Variants in WNT9B observed in about 807,000 individuals in gnomAD.
WNT9B encodes the protein Wnt family member 9B, also known as protein Wnt-9b.
WNT9B carries 12 observed loss-of-function variants against 30.2 expected under a neutral mutation model. The observed-to-expected ratio is 0.40, with a 90% confidence interval of 0.26 to 0.64. The LOEUF is 0.64. WNT9B is among the 30% of genes least tolerant of loss of function. The pLI is 0.42. For missense variants in WNT9B, 442 were observed against 485.2 expected (o/e 0.91, Z 0.84); for synonymous variants, 218 against 216.9 (o/e 1.01, Z -0.05).
rs1276383999 is a variant in WNT9B at position 46,875,282 on chromosome 17, T to A, written c.516T>A (p.Phe172Leu). 6.2e-7 allele frequency: 1 copy of A among 1,614,142 alleles called. No homozygotes were observed. The highest frequency in any genetic ancestry group is 1.1e-5 in the South Asian group (1 of 91,082). Reference protein sequence around the residue: ...CGDNLKYSTKFLSNFLGSKRG... With the variant: ...CGDNLKYSTKLLSNFLGSKRG... ...ACAACCTCAAGTACAGCACCAAGTT[T>A]CTGAGCAACTTCCTGGGGTCCAAGA... The change falls in exon 3 of 4, where the codon TTT (phenylalanine) becomes TTA (leucine). Residue 172 changes from phenylalanine (F) to leucine (L), a missense_variant. Transcript: ENST00000290015.
At chr17:46,876,185 G>A in intron 3 of WNT9B, 60 bp from the exon 4 acceptor site, 2 of 1,476,504 alleles carry the variant, frequency 1.4e-6, no homozygotes, top group Non-Finnish European at 1.8e-6. Context: ...TGCTCTGGGG[G>A]CAGGCTCTGG....
chr17:46,850,789 C>A (rs2084831597), upstream of WNT9B, among the ~76,000 whole-genome samples: 1 of 151,762 alleles, frequency 6.6e-6, no homozygotes, highest in South Asian at 2.1e-4. Flanking sequence ...AAGTTCCCAC[C>A]CTATCTACCA....
chr17:46,866,284 T>A (rs549624145), intron 1 of WNT9B, among the ~76,000 whole-genome samples: 1 of 152,134 alleles, frequency 6.6e-6, no homozygotes, highest in South Asian at 2.1e-4. Context: ...GCACTGCCCC[T>A]CACTGAACTC....
intron 1 of WNT9B, among the ~76,000 whole-genome samples, chr17:46,868,204 C>T (rs2085172606): frequency 6.6e-6 from 1 of 152,220 alleles, no homozygotes; most frequent in South Asian, 2.1e-4. Flanking sequence ...AGTTGGCAAA[C>T]AACCCTTCCT....
intron 1 of WNT9B, among the ~76,000 whole-genome samples, chr17:46,868,358 A>G (rs796155797): frequency 7.9e-5 from 12 of 152,098 alleles, no homozygotes; most frequent in African/African-American, 2.7e-4. Context: ...TTGGGAGGCC[A>G]AGGTGGGCGG....
chr17:46,833,752 G>C (rs1379609317), intron 1 of WNT9B, among the ~76,000 whole-genome samples: 2 of 152,182 alleles, frequency 1.3e-5, no homozygotes, highest in Non-Finnish European at 2.9e-5. Context: ...AGGCCTGCCC[G>C]GGGAAGAAGT....
rs564685553 is a variant in WNT9B at position 46,875,943 on chromosome 17, G to A, written c.601-302G>A. Among the ~76,000 whole-genome samples, 13 of 152,256 alleles carry A rather than the reference G, an allele frequency of 8.5e-5. No individual in the cohort carries two copies. The South Asian group carries it at 2.5e-3, about 29-fold the overall frequency. ...TTGTCATCACTGAGTTGTGAACCGG[G>A]GCTGCTGTGTTCAATCATTGAGTTG... On this transcript the variant is annotated intron_variant, in intron 3 of 3. Transcript: ENST00000290015.
intron 1 of WNT9B, among the ~76,000 whole-genome samples, chr17:46,867,987 G>C (rs1221777212): frequency 6.6e-6 from 1 of 152,138 alleles, no homozygotes; most frequent in Non-Finnish European, 1.5e-5. Flanking sequence ...GGGGCAGCAA[G>C]GGGAGGAGGC....
chr17:46,854,088 C>A (rs771996351), intron 1 of WNT9B, among the ~76,000 whole-genome samples: 1 of 152,170 alleles, frequency 6.6e-6, no homozygotes, highest in Admixed American at 6.6e-5. Flanking sequence ...AAAGCCACCA[C>A]CACCCCAATC....
rs2085375876 is a variant in WNT9B, at chr17:46,878,241, C to T, written c.*1523C>T. ...CCCTGCCACGCCCATCTGTCAGCTTCCTTTCTCCCTAAACCTAGAGTTGCT... is the reference window on the plus strand; with the variant it reads ...CCCTGCCACGCCCATCTGTCAGCTTTCTTTCTCCCTAAACCTAGAGTTGCT... On this transcript the variant is annotated 3_prime_UTR_variant, in exon 4 of 4. Coordinates refer to ENST00000290015, the MANE Select transcript of WNT9B (RefSeq NM_003396.3). Among the ~76,000 whole-genome samples, 1 of 152,246 alleles carries T rather than the reference C, an allele frequency of 6.6e-6. No individual in the cohort carries two copies. The highest frequency in any genetic ancestry group is 1.5e-5 in the Non-Finnish European group (1 of 68,044).
intron 1 of WNT9B, among the ~76,000 whole-genome samples, chr17:46,841,978 C>T (rs1015702663): frequency 6.6e-5 from 10 of 152,206 alleles, no homozygotes; most frequent in African/African-American, 2.4e-4. Flanking sequence ...GCGAGCAGCG[C>T]TGACCGGCAG....
At chr17:46,866,530 G>A (rs1352032869) in intron 1 of WNT9B, among the ~76,000 whole-genome samples, 2 of 152,006 alleles carry the variant, frequency 1.3e-5, no homozygotes, top group African/African-American at 2.4e-5. Flanking sequence ...AGACTGAGAC[G>A]TTTGAGATGA....
At chr17:46,855,624 ATGT>A (rs1257884823) in intron 1 of WNT9B, among the ~76,000 whole-genome samples, 1 of 152,202 alleles carries the variant, frequency 6.6e-6, no homozygotes, top group Non-Finnish European at 1.5e-5. Context: ...AACTTCTGTG[ATGT>A]TGTATAAATG....
chr17:46,873,953 C>A (rs895299689), intron 2 of WNT9B, among the ~76,000 whole-genome samples: 1 of 149,416 alleles, frequency 6.7e-6, no homozygotes, highest in Non-Finnish European at 1.5e-5. Flanking sequence ...TGTGTCACTG[C>A]ACTCCAGCCT....
At chr17:46,867,347 G>A (rs2085155990) in intron 1 of WNT9B, among the ~76,000 whole-genome samples, 1 of 152,278 alleles carries the variant, frequency 6.6e-6, no homozygotes, top group Admixed American at 6.5e-5. Flanking sequence ...GGAAGAGGTG[G>A]AGGTGGGATT....
intron 1 of WNT9B, among the ~76,000 whole-genome samples, chr17:46,871,849 C>T (rs2085249308): frequency 1.3e-5 from 2 of 152,220 alleles, no homozygotes; most frequent in Admixed American, 1.3e-4. Context: ...CTTCTCTTTC[C>T]TTCCATCCCC....
At chr17:46,883,342 T>G (rs1819909652), downstream of WNT9B, among the ~76,000 whole-genome samples, 5 of 149,068 alleles carry the variant, frequency 3.4e-5, no homozygotes, top group South Asian at 1.1e-3. Flanking sequence ...TGGAGTGCAA[T>G]GGCGCAATCT....
chr17:46,864,155 T>TC (rs1475067054), intron 1 of WNT9B, among the ~76,000 whole-genome samples: 2 of 152,166 alleles, frequency 1.3e-5, no homozygotes, highest in African/African-American at 4.8e-5. Context: ...CAGGGTGCAT[T>TC]CAAGAACCTG....
At position 46,839,074 on chromosome 17, in the gene WNT9B, C is replaced by T. The variant is rs1016788890; in HGVS notation, c.95+5634C>T. ...TGTATTTTTAGTAGAGACAGACTTTCACCATGTTGGCCAAGCTGGTCTCGA... is the reference window on the plus strand; with the variant it reads ...TGTATTTTTAGTAGAGACAGACTTTTACCATGTTGGCCAAGCTGGTCTCGA... On this transcript the variant is annotated intron_variant, in intron 1 of 2. Coordinates refer to the WNT9B transcript ENST00000575372. Among the ~76,000 whole-genome samples, 3 of 152,138 alleles carry T rather than the reference C, an allele frequency of 2.0e-5. No individual in the cohort carries two copies. The South Asian group carries it at 6.2e-4, about 32-fold the overall frequency.
Sources: allele counts gnomAD v4.1 joint callset (sites outside exome capture counted in the v4.1 genomes callset), GRCh38; gene constraint gnomAD v4.1.1; transcripts MANE v1.5; gene names NCBI Gene and HGNC (gene_info 2026-07-23, HGNC 2026-07-21).